The following KDM2B variants were observed in gnomAD, a reference collection of about 807,000 sequenced individuals.
The protein encoded by KDM2B is lysine-specific demethylase 2B.
In KDM2B, 26 loss-of-function variants were observed where a neutral mutation model predicts 150.0. The observed-to-expected ratio is 0.17, with a 90% CI of 0.13 to 0.24. The LOEUF is 0.24. Ranked by LOEUF, KDM2B falls within the 10% of genes least tolerant of loss-of-function variation. The pLI is 1.00. For synonymous variants in KDM2B, 734 were observed against 729.5 expected, an observed-to-expected ratio of 1.01 and a Z score of -0.10; for missense variants, 1,265 against 1,816.9, an observed-to-expected ratio of 0.70 and a Z score of 5.52.
chr12:121,503,404 C>T (rs1884770727), intron 11 of KDM2B, among the ~76,000 whole-genome samples: 1 of 152,110 alleles, frequency 6.6e-6, no homozygotes, highest in Non-Finnish European at 1.5e-5. Flanking sequence ...AATCCTCCTG[C>T]ATCAGCCTTT....
chr12:121,444,286 A>T lies in KDM2B; in HGVS notation c.2191-14T>A, dbSNP rs1875733180. ...GCCACGCTTTTGCTTGTAGGCCAAA[A>T]AGAGAGAATGAACAGACCAACTGTA... On this transcript the variant is annotated splice_polypyrimidine_tract_variant and intron_variant, in intron 15 of 22. Transcript: ENST00000377071. The T allele has an allele frequency of 6.2e-7, 1 of 1,613,424 alleles. No individual in the cohort carries two copies. Among genetic ancestry groups the T allele is most frequent in the African/African-American group, 1.3e-5 (1 of 74,884 alleles).
intron 11 of KDM2B, among the ~76,000 whole-genome samples, chr12:121,503,362 C>T (rs1394633993): frequency 1.3e-5 from 2 of 151,850 alleles, no homozygotes; most frequent in South Asian, 4.2e-4. Context: ...GCCATCACAG[C>T]TCACTGCAGC....
chr12:121,517,546 G>A (rs137938037), intron 9 of KDM2B, among the ~76,000 whole-genome samples: 129 of 150,884 alleles, frequency 8.5e-4, no homozygotes, highest in African/African-American at 3.0e-3. Context: ...TAAGCACACT[G>A]TAACCTCTGC....
At chr12:121,503,443 A>C (rs1204286952) in intron 11 of KDM2B, among the ~76,000 whole-genome samples, 27 of 152,002 alleles carry the variant, frequency 1.8e-4, no homozygotes, top group Non-Finnish European at 5.9e-5. Context: ...GGCGCATGCC[A>C]CTACTCCTGG....
chr12:121,543,958 A>T (rs76195652), intron 6 of KDM2B, among the ~76,000 whole-genome samples: 7,398 of 151,820 alleles, frequency 0.049, 318 homozygotes, highest in South Asian at 0.15. Flanking sequence ...CCCCATATCT[A>T]ACAAAATTAG....
At chr12:121,484,704 G>C (rs1321155150) in intron 12 of KDM2B, among the ~76,000 whole-genome samples, 2 of 152,140 alleles carry the variant, frequency 1.3e-5, no homozygotes, top group Non-Finnish European at 2.9e-5. Flanking sequence ...TGTGGTCCCA[G>C]CTACTTGGGA....
At chr12:121,538,204 G>A (rs1218938126) in intron 6 of KDM2B, among the ~76,000 whole-genome samples, 2 of 152,098 alleles carry the variant, frequency 1.3e-5, no homozygotes, top group Non-Finnish European at 2.9e-5. Context: ...AGCAACGCGG[G>A]CCGGCGCCAG....
chr12:121,576,220 G>C (rs972247077), intron 2 of KDM2B, among the ~76,000 whole-genome samples: 35 of 152,272 alleles, frequency 2.3e-4, no homozygotes, highest in African/African-American at 8.4e-4. Flanking sequence ...GATAGACAGA[G>C]ACACGCATCC....
the KDM2B span, chr12:121,420,910 T>C: frequency 1.5e-6 from 1 of 669,630 alleles, no homozygotes; most frequent in Admixed American, 2.7e-5. Flanking sequence ...TATCAGTTAG[T>C]TACATGAGCC....
chr12:121,496,804 T>C (rs2140418042), intron 11 of KDM2B, among the ~76,000 whole-genome samples: 1 of 152,176 alleles, frequency 6.6e-6, no homozygotes, highest in Non-Finnish European at 1.5e-5. Flanking sequence ...ATTGCGAGTG[T>C]GAGCCTCCCA....
chr12:121,460,108 T>C (rs1295365081), intron 12 of KDM2B, among the ~76,000 whole-genome samples: 2 of 152,238 alleles, frequency 1.3e-5, no homozygotes, highest in Non-Finnish European at 2.9e-5. Context: ...TAATTTGCAC[T>C]GGAGACTCAT....
intron 12 of KDM2B, among the ~76,000 whole-genome samples, chr12:121,479,900 G>C (rs1166046501): frequency 2.0e-5 from 3 of 152,118 alleles, no homozygotes; most frequent in African/African-American, 7.2e-5. Flanking sequence ...GGGATTACAG[G>C]TGTGAGCCAC....
intron 9 of KDM2B, among the ~76,000 whole-genome samples, chr12:121,519,986 G>A (rs1425839324): frequency 1.3e-5 from 2 of 151,966 alleles, no homozygotes; most frequent in Non-Finnish European, 2.9e-5. Context: ...TCCGCCTCCC[G>A]GGCTCAAACG....
chr12:121,536,741 C>A (rs1888141351), intron 6 of KDM2B, among the ~76,000 whole-genome samples: 1 of 149,926 alleles, frequency 6.7e-6, no homozygotes, highest in African/African-American at 2.5e-5. Flanking sequence ...CTAGGGAAAA[C>A]AATCTAAGTA....
chr12:121,480,711 AG>A (rs1345137510), intron 12 of KDM2B, among the ~76,000 whole-genome samples: 1 of 151,720 alleles, frequency 6.6e-6, no homozygotes, highest in East Asian at 1.9e-4. Flanking sequence ...ACAGGGTTGC[AG>A]TGAGCCAGTA....
At position 121,430,742 on chromosome 12, in the gene KDM2B, A is replaced by C. The variant is rs147165525; in HGVS notation, c.3830-273T>G. ...TCTGATTTACCACACAGCTGCCTCTATACGTGCGTATGCTCATGTAAGTAG... is the reference window on the plus strand; with the variant it reads ...TCTGATTTACCACACAGCTGCCTCTCTACGTGCGTATGCTCATGTAAGTAG... On this transcript the variant is annotated intron_variant, in intron 22 of 22. Transcript: ENST00000377071. This position sits in a 1 kb window ranked among gnomAD's most constrained non-coding sequence, Gnocchi z 4.4. 7 of 573,234 alleles carry C rather than the reference A, an allele frequency of 1.2e-5. No homozygotes were observed. The East Asian group carries it at 1.7e-4, about 14-fold the overall frequency. The allele number at this position is 573,234 out of a possible 1,614,324, so 35.5% of individuals were successfully genotyped here.
chr12:121,410,291 C>T, the KDM2B span, among the ~76,000 whole-genome samples: 1 of 152,028 alleles, frequency 6.6e-6, no homozygotes, highest in South Asian at 2.1e-4. Flanking sequence ...GTAATCCCAG[C>T]TCTTTGGGAG....
chr12:121,549,395 CA>C lies in KDM2B; in HGVS notation c.576+64del, dbSNP rs1889312674. On this transcript the variant is annotated intron_variant, in intron 5 of 22. Coordinates refer to ENST00000377071, the MANE Select transcript of KDM2B (RefSeq NM_032590.5). This position sits in a 1 kb window ranked among gnomAD's most constrained non-coding sequence, Gnocchi z 4.4. ...TTTTTGCAAGGCACAACCCAGGTGG[CA>C]GGGGGACAGGGAAGGAGATGAGGTG... The C allele has an allele frequency of 6.9e-7, 1 of 1,445,776 alleles. No individual in the cohort carries two copies. Among genetic ancestry groups the C allele is most frequent in the Non-Finnish European group, 9.4e-7 (1 of 1,064,466 alleles). The allele number at this position is 1,445,776 out of a possible 1,614,324, so 89.6% of individuals were successfully genotyped here.
At chr12:121,560,570 C>T (rs1454988973) in intron 4 of KDM2B, among the ~76,000 whole-genome samples, 1 of 151,326 alleles carries the variant, frequency 6.6e-6, no homozygotes, top group African/African-American at 2.4e-5. Context: ...TTCCCAGGGG[C>T]GAGGCACTGA....
Sources: allele counts gnomAD v4.1 joint callset (sites outside exome capture counted in the v4.1 genomes callset), GRCh38; gene constraint gnomAD v4.1.1; non-coding constraint Gnocchi (gnomAD v3.1); transcripts MANE v1.5; gene names NCBI Gene and HGNC (gene_info 2026-07-23, HGNC 2026-07-21).